Variants in KIF6 observed in about 807,000 individuals in gnomAD.
The protein encoded by KIF6 is kinesin-like protein KIF6.
KIF6 carries 106 observed loss-of-function variants against 112.7 expected under a neutral mutation model. That is an observed-to-expected ratio of 0.94 (90% CI 0.80 to 1.11). The LOEUF is 1.11. KIF6 is among the 50% of genes least tolerant of loss of function. KIF6 has a pLI of 0.00. For synonymous variants in KIF6, 339 were observed against 339.9 expected (o/e 1.00, Z 0.03); for missense variants, 929 against 964.0 (o/e 0.96, Z 0.48).
chr6:39,337,158 T>TCCTTC (rs1491446959), intron 22 of KIF6, among the ~76,000 whole-genome samples: 3,614 of 71,114 alleles, frequency 0.051, 314 homozygotes, highest in East Asian at 0.083. Flanking sequence ...CTCTTTCTTT[T>TCCTTC]CTTTCTTTCC....
In KIF6 at chr6:39,331,270, G is replaced by T. The variant is rs1762725777; in HGVS notation, c.*5262C>A. 1 of 151,986 alleles carries T rather than the reference G, an allele frequency of 6.6e-6. No homozygotes were observed. The highest frequency in any genetic ancestry group is 2.1e-4 in the South Asian group (1 of 4,802). 9.4% of individuals were successfully genotyped at this position (151,986 alleles called of 1,614,324 possible). On this transcript the variant is annotated 3_prime_UTR_variant, in exon 23 of 23. Transcript: ENST00000287152. ...GCAGCCTTAACCTCCTGGGTTCAAG[G>T]ATCCTCCCACCTCAGCCTCCCGAGT...
chr6:39,523,284 G>A (rs934581334), intron 13 of KIF6, among the ~76,000 whole-genome samples: 10 of 151,992 alleles, frequency 6.6e-5, no homozygotes, highest in Admixed American at 6.6e-4. Context: ...CTGTTACAAC[G>A]TCCTGTCTAC....
At chr6:39,435,417 GT>G (rs1305388252) in intron 13 of KIF6, among the ~76,000 whole-genome samples, 2 of 152,080 alleles carry the variant, frequency 1.3e-5, no homozygotes, top group South Asian at 2.1e-4. Context: ...GGTACAAGTG[GT>G]TTTTGGTTAC....
chr6:39,555,298 C>T (rs868329586), intron 10 of KIF6, among the ~76,000 whole-genome samples: 5 of 152,152 alleles, frequency 3.3e-5, no homozygotes, highest in East Asian at 1.9e-4. Context: ...CAAGGCAGCC[C>T]GGCCAGCCCA....
At chr6:39,424,487 TTCCA>T (rs1346025521) in intron 14 of KIF6, among the ~76,000 whole-genome samples, 1 of 152,226 alleles carries the variant, frequency 6.6e-6, no homozygotes, top group Admixed American at 6.5e-5. Flanking sequence ...CTAGTAAGCA[TTCCA>T]TAAATATTTG....
At chr6:39,359,257 G>C (rs1764947521) in intron 18 of KIF6, among the ~76,000 whole-genome samples, 1 of 152,210 alleles carries the variant, frequency 6.6e-6, no homozygotes. Flanking sequence ...CACTTCCGCT[G>C]TGCCACAACT....
intron 13 of KIF6, among the ~76,000 whole-genome samples, chr6:39,497,394 C>G (rs1191113538): frequency 3.3e-5 from 5 of 152,150 alleles, no homozygotes; most frequent in African/African-American, 9.7e-5. Context: ...CTGGGGAAGG[C>G]CGTAAGAGTT....
rs114753764 is a variant in KIF6 at position 39,400,957 on chromosome 6, G to A, written c.1811-15285C>T. On this transcript the variant is annotated intron_variant, in intron 15 of 22. Coordinates refer to ENST00000287152, the MANE Select transcript of KIF6 (RefSeq NM_145027.6). ...ATTGATTACATGTCAGCTGACTAACGTCAACAGTCCTTTGTGGGTTGGTAT... is the reference window on the plus strand; with the variant it reads ...ATTGATTACATGTCAGCTGACTAACATCAACAGTCCTTTGTGGGTTGGTAT... Among the ~76,000 whole-genome samples the A allele has an allele frequency of 9.0e-3, 1,365 of 152,336 alleles. 19 individuals are homozygous for A. Among genetic ancestry groups the A allele is most frequent in the Middle Eastern group, 0.027 (8 of 294 alleles).
At chr6:39,626,437 C>A (rs1424416230) in intron 5 of KIF6, among the ~76,000 whole-genome samples, 2 of 152,078 alleles carry the variant, frequency 1.3e-5, no homozygotes, top group African/African-American at 4.8e-5. Context: ...GGAAAGAACA[C>A]CAGCACCCCC....
chr6:39,346,086 C>CTCTCTCTCTCTCT (rs1326236666), intron 20 of KIF6, among the ~76,000 whole-genome samples: 658 of 26,976 alleles, frequency 0.024, 161 homozygotes, highest in Admixed American at 0.03. Flanking sequence ...CTCTCTCTCT[C>CTCTCTCTCTCTCT]CCCCCCCTCT....
At position 39,584,949 on chromosome 6, in the gene KIF6, C is replaced by T. The variant is rs1338610335; in HGVS notation, c.1026G>A (p.Val342=). ...SISTCRFAQR[V]ALIKNEAVLN... is the part of the protein sequence containing the mutation. Reference sequence around the variant, plus strand: ...GAACAGCTTCATTCTTTATGAGTGCCACTCGCTGTGCAAATCTGCAGGTTG... The same window carrying T: ...GAACAGCTTCATTCTTTATGAGTGCTACTCGCTGTGCAAATCTGCAGGTTG... The change falls in exon 9 of 23, where the codon GTG becomes GTA. Residue 342 remains valine (V), a synonymous_variant. Transcript: ENST00000287152. 1.2e-6 allele frequency: 2 copies of T among 1,612,268 alleles called. No individual in the cohort carries two copies. The highest frequency in any genetic ancestry group is 1.7e-6 in the Non-Finnish European group (2 of 1,178,672).
At chr6:39,410,704 G>A (rs1769416746) in intron 15 of KIF6, among the ~76,000 whole-genome samples, 1 of 152,126 alleles carries the variant, frequency 6.6e-6, no homozygotes, top group East Asian at 1.9e-4. Flanking sequence ...AAACAAAGGG[G>A]CAATAGTGAG....
rs138370916 is a variant in KIF6 at position 39,590,119 on chromosome 6, C to T, written c.847-3715G>A. Among the ~76,000 whole-genome samples, 90 of 152,076 alleles carry T rather than the reference C, an allele frequency of 5.9e-4. 3 individuals carry two copies. The East Asian group carries it at 0.016, about 26-fold the overall frequency. ...ACCCAAGTCAGAGTGGCAAGAGATG[C>T]CAAGCAGAACTCTAGCCTCTAAGAA... On this transcript the variant is annotated intron_variant, in intron 7 of 22. Coordinates refer to ENST00000287152, the MANE Select transcript of KIF6 (RefSeq NM_145027.6).
intron 13 of KIF6, among the ~76,000 whole-genome samples, chr6:39,439,161 A>G (rs1322610023): frequency 2.0e-5 from 3 of 152,230 alleles, no homozygotes; most frequent in Non-Finnish European, 2.9e-5. Context: ...TCTTGAAGGT[A>G]TCATTATTTC....
intron 3 of KIF6, among the ~76,000 whole-genome samples, chr6:39,682,567 T>G (rs766442869): frequency 6.6e-6 from 1 of 152,136 alleles, no homozygotes; most frequent in Non-Finnish European, 1.5e-5. Context: ...TGCACTACAA[T>G]GTGACTAGAT....
intron 10 of KIF6, among the ~76,000 whole-genome samples, chr6:39,561,189 C>T (rs1219302789): frequency 6.6e-6 from 1 of 152,190 alleles, no homozygotes; most frequent in African/African-American, 2.4e-5. Context: ...GCAAGAGTCA[C>T]AAGAAATCCT....
intron 15 of KIF6, among the ~76,000 whole-genome samples, chr6:39,387,527 T>C (rs957476109): frequency 6.6e-6 from 1 of 152,030 alleles, no homozygotes; most frequent in African/African-American, 2.4e-5. Flanking sequence ...TAAACAATAA[T>C]TGCACCCTTA....
At chr6:39,375,636 C>CT (rs1418629519) in intron 16 of KIF6, among the ~76,000 whole-genome samples, 1 of 152,156 alleles carries the variant, frequency 6.6e-6, no homozygotes. Flanking sequence ...CTGGGACTTA[C>CT]TTTTTTGGCT....
intron 4 of KIF6, among the ~76,000 whole-genome samples, chr6:39,638,824 C>T (rs1248128180): frequency 1.3e-5 from 2 of 151,936 alleles, no homozygotes; most frequent in African/African-American, 2.4e-5. Context: ...AAGGGAAAAC[C>T]GAAACTCAGA....
Sources: allele counts gnomAD v4.1 joint callset (sites outside exome capture counted in the v4.1 genomes callset), GRCh38; gene constraint gnomAD v4.1.1; transcripts MANE v1.5; gene names NCBI Gene and HGNC (gene_info 2026-07-23, HGNC 2026-07-21).